COBL: variants seen among roughly 807,000 people sequenced by gnomAD.
COBL encodes cordon-bleu WH2 repeat protein.
COBL carries 51 observed loss-of-function variants against 98.8 expected under a neutral mutation model. The ratio of observed to expected loss-of-function variants is 0.52; its 90% CI spans 0.41 to 0.65. The LOEUF (loss-of-function observed/expected upper bound fraction) is 0.65. Among genes scored for constraint, COBL ranks in the 30% least tolerant of loss-of-function variants. COBL has a pLI of 0.00. For synonymous variants in COBL, 634 were observed against 651.7 expected, an observed-to-expected ratio of 0.97 and a Z score of 0.41; for missense variants, 1,617 against 1,617.5, an observed-to-expected ratio of 1.00 and a Z score of 0.01.
At chr7:51,186,461 A>G (rs192983070) in intron 4 of COBL, among the ~76,000 whole-genome samples, 16 of 152,356 alleles carry the variant, frequency 1.1e-4, no homozygotes, top group African/African-American at 3.8e-4. Flanking sequence ...GCTGTATTAC[A>G]CCGACCACAG....
At chr7:51,059,236 T>G (rs1791079585) in intron 7 of COBL, among the ~76,000 whole-genome samples, 1 of 152,252 alleles carries the variant, frequency 6.6e-6, no homozygotes, top group African/African-American at 2.4e-5. Flanking sequence ...TTAGTAGTGT[T>G]TGGTCTTTAT....
At chr7:51,307,377 CAAAAAA>C (rs1189982705) in intron 1 of COBL, among the ~76,000 whole-genome samples, 1 of 151,522 alleles carries the variant, frequency 6.6e-6, no homozygotes, top group African/African-American at 2.4e-5. Context: ...AAAACAAAAA[CAAAAAA>C]AGGAGAGGAC....
At chr7:51,115,013 T>G (rs1797148212) in intron 6 of COBL, among the ~76,000 whole-genome samples, 1 of 152,246 alleles carries the variant, frequency 6.6e-6, no homozygotes, top group African/African-American at 2.4e-5. Flanking sequence ...GATTTTTGTT[T>G]CAGCTTGTGT....
intron 8 of COBL, chr7:51,035,092 G>T (rs1490251997): frequency 6.6e-6 from 1 of 152,206 alleles, no homozygotes; most frequent in Non-Finnish European, 1.5e-5. Context: ...TGGGATGGTC[G>T]GAGGGTGGCA....
At chr7:51,159,126 C>T (rs1214429591) in intron 5 of COBL, among the ~76,000 whole-genome samples, 1 of 152,146 alleles carries the variant, frequency 6.6e-6, no homozygotes, top group Non-Finnish European at 1.5e-5. Flanking sequence ...TCTCTGCAGC[C>T]CCCGGCCGCG....
intron 6 of COBL, among the ~76,000 whole-genome samples, chr7:51,132,710 C>A (rs779654065): frequency 2.0e-5 from 3 of 152,122 alleles, no homozygotes; most frequent in Non-Finnish European, 4.4e-5. Context: ...ATAGACTGTA[C>A]GGGAAGCAGA....
intron 1 of COBL, among the ~76,000 whole-genome samples, chr7:51,294,325 TAA>T (rs1801197194): frequency 6.8e-6 from 1 of 146,038 alleles, no homozygotes; most frequent in African/African-American, 2.6e-5. Context: ...AATAAATAAA[TAA>T]ATAAAAATAA....
At chr7:51,056,412 G>A (rs968922807) in intron 7 of COBL, among the ~76,000 whole-genome samples, 2 of 151,972 alleles carry the variant, frequency 1.3e-5, no homozygotes, top group African/African-American at 4.8e-5. Context: ...TCGTCACCGG[G>A]GGAAATGAGC....
chr7:51,298,846 C>G (rs1801652571), intron 1 of COBL, among the ~76,000 whole-genome samples: 1 of 152,210 alleles, frequency 6.6e-6, no homozygotes, highest in South Asian at 2.1e-4. Context: ...GTGCCTTTGT[C>G]TGAGCACAGA....
intron 7 of COBL, among the ~76,000 whole-genome samples, chr7:51,075,909 T>C (rs1793028469): frequency 6.6e-6 from 1 of 152,198 alleles, no homozygotes; most frequent in East Asian, 1.9e-4. Flanking sequence ...TCAGTTCCGT[T>C]TTTTTCTAAT....
At chr7:51,207,555 G>C (rs969105646) in intron 2 of COBL, among the ~76,000 whole-genome samples, 9 of 151,070 alleles carry the variant, frequency 6.0e-5, no homozygotes, top group African/African-American at 9.7e-5. Flanking sequence ...TCAGCCTGCC[G>C]AGTGCCTGCG....
At chr7:51,083,649 A>G (rs962777773) in intron 7 of COBL, among the ~76,000 whole-genome samples, 1 of 152,240 alleles carries the variant, frequency 6.6e-6, no homozygotes, top group African/African-American at 2.4e-5. Context: ...TTGCTTTTCT[A>G]GAGCCACTGA....
intron 1 of COBL, among the ~76,000 whole-genome samples, chr7:51,298,917 T>C (rs1363753958): frequency 1.3e-5 from 2 of 152,144 alleles, no homozygotes; most frequent in Admixed American, 1.3e-4. Flanking sequence ...TTCTCATATC[T>C]CAGCTCTCCT....
In COBL at chr7:51,028,068, A is replaced by T. The variant is rs895793227; in HGVS notation, c.3028T>A (p.Ser1010Thr). The stretch of plus-strand genomic sequence containing the variant: ...CCATCAGGTGCGCGTCTGGGCTCAG[A>T]TGCTGAGCTGGCCTCCTGGCTACTT... ...STSSQEASSASEPRRAPDGTD... is the reference protein window; with the variant it reads ...STSSQEASSATEPRRAPDGTD... The change falls in exon 10 of 13, where the codon TCT (serine) becomes ACT (threonine). Residue 1010 changes from serine to threonine, a missense_variant. Physicochemically the swap from Ser to Thr is moderately conservative, Grantham distance 58 (BLOSUM62 1). Transcript: ENST00000265136. 1.2e-6 allele frequency: 2 copies of T among 1,613,082 alleles called. No individual in the cohort carries two copies. The highest frequency in any genetic ancestry group is 2.7e-5 in the African/African-American group (2 of 74,928).
At chr7:51,142,360 A>G (rs1799842166) in intron 5 of COBL, among the ~76,000 whole-genome samples, 1 of 151,740 alleles carries the variant, frequency 6.6e-6, no homozygotes, top group Non-Finnish European at 1.5e-5. Flanking sequence ...ATGAGCAAAC[A>G]AAGAGTATCC....
At chr7:51,177,771 C>CAAAAAAAA (rs1238520444) in intron 5 of COBL, among the ~76,000 whole-genome samples, 3 of 97,974 alleles carry the variant, frequency 3.1e-5, no homozygotes, top group African/African-American at 1.2e-4. Flanking sequence ...GACTCTGTCT[C>CAAAAAAAA]AAAAAAATAA....
At chr7:51,296,776 CA>C (rs1175275776) in intron 1 of COBL, among the ~76,000 whole-genome samples, 2 of 152,128 alleles carry the variant, frequency 1.3e-5, no homozygotes, top group African/African-American at 4.8e-5. Context: ...TTTTCCAAAG[CA>C]ATTTGGTTAA....
chr7:51,158,535 G>T (rs1468057002), intron 5 of COBL, among the ~76,000 whole-genome samples: 1 of 152,210 alleles, frequency 6.6e-6, no homozygotes, highest in Admixed American at 6.5e-5. Flanking sequence ...GGTGGTGCTA[G>T]CTGAGGAGAC....
chr7:51,251,338 G>A (rs1362900655), intron 1 of COBL, among the ~76,000 whole-genome samples: 1 of 152,174 alleles, frequency 6.6e-6, no homozygotes, highest in Non-Finnish European at 1.5e-5. Flanking sequence ...CAGGGGTGAA[G>A]GCTGAATGTT....
Sources: gnomAD v4.1 joint callset for allele counts (sites outside exome capture counted in the v4.1 genomes callset) on GRCh38, gnomAD v4.1.1 for gene constraint, MANE v1.5 for transcripts, NCBI Gene and HGNC (gene_info 2026-07-23, HGNC 2026-07-21) for gene names.